The following ARMH3 variants were observed in gnomAD, a reference collection of about 807,000 sequenced individuals.
ARMH3 encodes the protein armadillo like helical domain containing 3, also known as armadillo-like helical domain-containing protein 3.
Under a neutral mutation model 99.1 loss-of-function variants are expected in ARMH3, and 60 were observed. The ratio of observed to expected loss-of-function variants is 0.61; its 90% CI spans 0.49 to 0.75. ARMH3 has a LOEUF of 0.75. Among genes scored for constraint, ARMH3 ranks in the 30% least tolerant of loss-of-function variants. The probability of loss-of-function intolerance (pLI) is 0.00; values close to 1 mark genes in which losing one functional copy is unlikely to be tolerated. For synonymous variants in ARMH3, 285 were observed against 292.8 expected, an observed-to-expected ratio of 0.97 and a Z score of 0.27; for missense variants, 679 against 843.1, an observed-to-expected ratio of 0.81 and a Z score of 2.41.
At chr10:101,889,574 G>T in intron 23 of ARMH3, 84 bp from the exon 24 acceptor site, 2 of 1,252,664 alleles carry the variant, frequency 1.6e-6, no homozygotes, top group Non-Finnish European at 2.3e-6. Flanking sequence ...AGTACCCTCT[G>T]GTTTAGAGTA....
intron 2 of ARMH3, among the ~76,000 whole-genome samples, chr10:102,038,950 C>G (rs1172805967): frequency 6.6e-6 from 1 of 151,936 alleles, no homozygotes; most frequent in Non-Finnish European, 1.5e-5. Flanking sequence ...CCATGTTGCC[C>G]AGGCTGGTCT....
At chr10:101,879,296 C>A (rs1258376794) in intron 24 of ARMH3, among the ~76,000 whole-genome samples, 1 of 151,898 alleles carries the variant, frequency 6.6e-6, no homozygotes, top group East Asian at 1.9e-4. Flanking sequence ...TACTTAGATT[C>A]TTTAGTGTAC....
At chr10:101,889,166 A>G (rs577405760) in intron 24 of ARMH3, among the ~76,000 whole-genome samples, 1 of 152,380 alleles carries the variant, frequency 6.6e-6, no homozygotes, top group South Asian at 2.1e-4. Context: ...TCTAAAACAA[A>G]TAATTCACCA....
chr10:102,040,164 C>T, intron 1 of ARMH3, 39 bp from the exon 2 acceptor site: 1 of 1,499,552 alleles, frequency 6.7e-7, no homozygotes, highest in Non-Finnish European at 9.3e-7. Context: ...AGTGAAAATA[C>T]TCAGTATGAT....
chr10:101,980,711 G>A (rs906588716), intron 19 of ARMH3, among the ~76,000 whole-genome samples: 4 of 152,046 alleles, frequency 2.6e-5, no homozygotes, highest in African/African-American at 9.7e-5. Flanking sequence ...ACAGCTGACG[G>A]AATCAAGCTA....
intron 24 of ARMH3, among the ~76,000 whole-genome samples, chr10:101,858,824 C>G (rs893261566): frequency 1.4e-4 from 21 of 152,162 alleles, no homozygotes; most frequent in African/African-American, 4.6e-4. Context: ...CTGAAGGAGG[C>G]TCAGTGTGAC....
rs35682779 is a variant in ARMH3 at position 101,884,793 on chromosome 10, C to CAA, written c.1860+4617_1860+4618dup. Among the ~76,000 whole-genome samples the CAA allele has an allele frequency of 1.7e-3, 248 of 149,898 alleles. 1 individual carries two copies. Among genetic ancestry groups the CAA allele is most frequent in the Non-Finnish European group, 2.7e-3 (180 of 67,562 alleles). On this transcript the variant is annotated intron_variant, in intron 24 of 25. Coordinates refer to ENST00000370033, the MANE Select transcript of ARMH3 (RefSeq NM_024541.3). ...ACAAAAACAAAACAAAACAAACAAA[C>CAA]AAAAAAAAACAGGCAAATTGGACTT...
intron 23 of ARMH3, among the ~76,000 whole-genome samples, chr10:101,934,020 T>C (rs138752100): frequency 5.1e-4 from 77 of 152,306 alleles, no homozygotes; most frequent in Non-Finnish European, 1.1e-3. Context: ...GCAAAGGAAG[T>C]TGGGGAGACC....
At chr10:101,916,977 T>C (rs1012200810) in intron 23 of ARMH3, among the ~76,000 whole-genome samples, 3 of 152,226 alleles carry the variant, frequency 2.0e-5, no homozygotes, top group African/African-American at 4.8e-5. Context: ...CTTCAACCTT[T>C]AATTGGAAGC....
intron 25 of ARMH3, 77 bp from the exon 26 acceptor site, chr10:101,847,697 AG>A: frequency 7.6e-7 from 1 of 1,319,010 alleles, no homozygotes; most frequent in South Asian, 1.2e-5. Flanking sequence ...TAAACGGCAG[AG>A]GACAGTGCCT....
intron 14 of ARMH3, 57 bp downstream of exon 14, chr10:102,006,483 A>T: frequency 6.5e-7 from 1 of 1,550,234 alleles, no homozygotes; most frequent in African/African-American, 1.4e-5. Flanking sequence ...AGCTATGCTC[A>T]CTCTGAGAGA....
Position 102,009,396 on chromosome 10 carries a change from T to C in ARMH3, c.932A>G (p.Asn311Ser). ...AACCTGAGCTAATACTGTGATGAAG[T>C]TGCGATTTAAATGAACAGCTTCATA... ...ALYEAVHLNR[N>S]FITVLAQSHP... Residue 311 changes from asparagine to serine, a missense_variant, in exon 13 of 26, where the codon AAC (asparagine) becomes AGC (serine). Physicochemically the swap from Asn to Ser is conservative, Grantham distance 46. Coordinates refer to ENST00000370033, the MANE Select transcript of ARMH3 (RefSeq NM_024541.3). 6.2e-6 allele frequency: 10 copies of C among 1,613,954 alleles called. No individual in the cohort carries two copies. The highest frequency in any genetic ancestry group is 8.5e-6 in the Non-Finnish European group (10 of 1,179,890).
chr10:101,993,487 C>A, intron 17 of ARMH3, 51 bp downstream of exon 17: 2 of 1,395,468 alleles, frequency 1.4e-6, no homozygotes, highest in Non-Finnish European at 2.0e-6. Flanking sequence ...ACCCTGCCGA[C>A]ATACAAAAAA....
intron 8 of ARMH3, among the ~76,000 whole-genome samples, chr10:102,021,439 G>A (rs971744633): frequency 2.0e-5 from 3 of 150,446 alleles, no homozygotes; most frequent in Admixed American, 1.3e-4. Context: ...CTGGAGTGCA[G>A]TGGTGTAATC....
At chr10:101,999,807 G>A (rs182432205) in intron 15 of ARMH3, among the ~76,000 whole-genome samples, 3 of 152,228 alleles carry the variant, frequency 2.0e-5, no homozygotes, top group Non-Finnish European at 4.4e-5. Flanking sequence ...CAGCCAGGCC[G>A]GGCGTGGTGG....
At chr10:102,036,502 T>C (rs1016008525) in intron 2 of ARMH3, among the ~76,000 whole-genome samples, 1 of 152,034 alleles carries the variant, frequency 6.6e-6, no homozygotes, top group Non-Finnish European at 1.5e-5. Context: ...GTAGAAGACA[T>C]GGGAGACTTC....
At chr10:101,848,334 C>A (rs2066507579) in intron 25 of ARMH3, among the ~76,000 whole-genome samples, 1 of 152,134 alleles carries the variant, frequency 6.6e-6, no homozygotes, top group African/African-American at 2.4e-5. Flanking sequence ...GAACCCTAAC[C>A]CAGTGTTGCC....
intron 23 of ARMH3, among the ~76,000 whole-genome samples, chr10:101,893,650 AAAGC>A: frequency 6.6e-6 from 1 of 152,128 alleles, no homozygotes; most frequent in South Asian, 2.1e-4. Context: ...ACAAGGAAAC[AAAGC>A]AAGGACATAA....
intron 23 of ARMH3, among the ~76,000 whole-genome samples, chr10:101,933,199 A>T (rs1163878988): frequency 6.6e-6 from 1 of 152,186 alleles, no homozygotes; most frequent in Non-Finnish European, 1.5e-5. Context: ...TTAAAAAAAA[A>T]TCGTTAAAAT....
Sources: gnomAD v4.1 joint callset for allele counts (sites outside exome capture counted in the v4.1 genomes callset) on GRCh38, gnomAD v4.1.1 for gene constraint, MANE v1.5 for transcripts, NCBI Gene and HGNC (gene_info 2026-07-23, HGNC 2026-07-21) for gene names.